FAF1: variants seen among roughly 807,000 people sequenced by gnomAD.
The protein encoded by FAF1 is FAS-associated factor 1.
A neutral mutation model predicts 92.5 loss-of-function variants in FAF1; 25 were observed. The observed-to-expected ratio is 0.27, with a 90% CI of 0.20 to 0.38. FAF1 has a LOEUF of 0.38. FAF1 is among the 10% of genes least tolerant of loss of function. The pLI, the probability that FAF1 is intolerant of heterozygous loss-of-function variation, is 1.00. For missense variants in FAF1, 636 were observed against 793.3 expected, an observed-to-expected ratio of 0.80 and a Z score of 2.38; for synonymous variants, 234 against 273.2, an observed-to-expected ratio of 0.86 and a Z score of 1.42.
chr1:50,781,490 T>TA (rs1661178132), intron 4 of FAF1, among the ~76,000 whole-genome samples: 2 of 152,044 alleles, frequency 1.3e-5, no homozygotes, highest in African/African-American at 4.8e-5. Flanking sequence ...AATACTGAAG[T>TA]ACCCAAATAT....
At chr1:50,453,355 C>CGCA (rs1646315828) in intron 18 of FAF1, among the ~76,000 whole-genome samples, 2 of 152,130 alleles carry the variant, frequency 1.3e-5, no homozygotes, top group South Asian at 4.1e-4. Flanking sequence ...TTGCTCTGCA[C>CGCA]GCAAACACCA....
intron 2 of FAF1, among the ~76,000 whole-genome samples, chr1:50,854,705 A>C (rs1178753685): frequency 2.0e-5 from 3 of 151,904 alleles, no homozygotes; most frequent in Non-Finnish European, 4.4e-5. Context: ...AGTGACTAAT[A>C]ATCAGAACTC....
intron 2 of FAF1, among the ~76,000 whole-genome samples, chr1:50,824,342 CA>C (rs1644072935): frequency 2.0e-5 from 3 of 152,082 alleles, no homozygotes. Flanking sequence ...TTTTTACTGC[CA>C]AAACCTATTT....
At chr1:50,714,241 G>A (rs1009794942) in intron 6 of FAF1, among the ~76,000 whole-genome samples, 3 of 148,966 alleles carry the variant, frequency 2.0e-5, no homozygotes, top group Non-Finnish European at 4.4e-5. Flanking sequence ...CGTGGCTCAC[G>A]CCTGTAATCC....
intron 4 of FAF1, among the ~76,000 whole-genome samples, chr1:50,746,272 ATATATATATATATATATATATTTTTT>A (rs1178440612): frequency 8.0e-4 from 15 of 18,676 alleles, no homozygotes; most frequent in African/African-American, 4.5e-4. Context: ...ATATATATAT[ATATATATATATATATATATATTTTTT>A]TTTTTTTTTT....
rs1323519729 is a variant in FAF1 at position 50,615,265 on chromosome 1, T to C, written c.745-19049A>G. ...TATTCCATGGTGTATATGTACCACA[T>C]TTTCTTTATCCAATCCACCACTGAT... On this transcript the variant is annotated intron_variant, in intron 8 of 18. Coordinates refer to ENST00000396153, the MANE Select transcript of FAF1 (RefSeq NM_007051.3). Among the ~76,000 whole-genome samples, 7 of 152,232 alleles carry C rather than the reference T, an allele frequency of 4.6e-5. No homozygotes were observed. In the South Asian group the frequency reaches 1.2e-3, roughly 27 times the overall value.
intron 6 of FAF1, among the ~76,000 whole-genome samples, chr1:50,731,069 C>T (rs988044034): frequency 1.3e-5 from 2 of 152,174 alleles, no homozygotes; most frequent in African/African-American, 4.8e-5. Context: ...AAAGGTCAGG[C>T]TCCTAGAGCC....
intron 18 of FAF1, among the ~76,000 whole-genome samples, chr1:50,442,987 G>A (rs1360974751): frequency 6.6e-6 from 1 of 152,168 alleles, no homozygotes; most frequent in East Asian, 1.9e-4. Flanking sequence ...AATGCACTGA[G>A]GGGCAAGCTG....
chr1:50,524,314 A>G (rs1342743136), intron 15 of FAF1, among the ~76,000 whole-genome samples: 1 of 152,016 alleles, frequency 6.6e-6, no homozygotes, highest in Non-Finnish European at 1.5e-5. Flanking sequence ...GTTTGCAAAA[A>G]TTTTCTCCCA....
intron 10 of FAF1, among the ~76,000 whole-genome samples, chr1:50,584,031 A>C (rs1651111206): frequency 6.6e-6 from 1 of 152,134 alleles, no homozygotes; most frequent in Non-Finnish European, 1.5e-5. Context: ...GTTTTCTTGA[A>C]ATAGACATCT....
In FAF1 at chr1:50,612,390, G is replaced by A. The variant is rs535140121; in HGVS notation, c.745-16174C>T. The A allele has an allele frequency of 7.7e-4, 935 of 1,209,568 alleles. 1 individual carries two copies. Among genetic ancestry groups the A allele is most frequent in the Non-Finnish European group, 8.8e-4 (843 of 954,326 alleles). The allele number at this position is 1,209,568 out of a possible 1,614,324, so 74.9% of individuals were successfully genotyped here. ...TAAATAAAGAGGTTCCGTTAGTGGA[G>A]AAACCTCATTATTTTAGAGAGCTAC... On this transcript the variant is annotated intron_variant, in intron 8 of 18. Coordinates refer to ENST00000396153, the MANE Select transcript of FAF1 (RefSeq NM_007051.3).
chr1:50,532,786 T>A lies in FAF1; in HGVS notation c.1494+2583A>T, dbSNP rs534401427. 2.2e-3 allele frequency among the ~76,000 whole-genome samples: 329 copies of A among 152,262 alleles called. 5 individuals carry two copies. The South Asian group carries it at 0.036, about 17-fold the overall frequency. Reference sequence around the variant, plus strand: ...TGTGGATATATTGGGTTTCATTTTTTAAAAATATTTTAAAATTTATCTTTT... The same window carrying A: ...TGTGGATATATTGGGTTTCATTTTTAAAAAATATTTTAAAATTTATCTTTT... On this transcript the variant is annotated intron_variant, in intron 15 of 18. Transcript: ENST00000396153.
chr1:50,617,208 G>A (rs1652954920), intron 8 of FAF1, among the ~76,000 whole-genome samples: 1 of 152,140 alleles, frequency 6.6e-6, no homozygotes, highest in African/African-American at 2.4e-5. Context: ...AGGCATCCTT[G>A]TATTGTTCCA....
intron 7 of FAF1, among the ~76,000 whole-genome samples, chr1:50,671,733 T>A (rs1655890824): frequency 7.3e-6 from 1 of 136,728 alleles, no homozygotes; most frequent in African/African-American, 2.6e-5. Flanking sequence ...AACATTTTAA[T>A]TTTTTTTTTT....
chr1:50,560,115 T>C (rs1302826557), intron 13 of FAF1, among the ~76,000 whole-genome samples: 2 of 152,086 alleles, frequency 1.3e-5, no homozygotes, highest in East Asian at 3.8e-4. Context: ...CCAGATCAAA[T>C]GGAAGTGTAG....
intron 6 of FAF1, among the ~76,000 whole-genome samples, chr1:50,707,528 G>A (rs1051920684): frequency 1.3e-5 from 2 of 151,612 alleles, no homozygotes; most frequent in Admixed American, 6.6e-5. Flanking sequence ...GTGAAACCTC[G>A]TCTCTATTAA....
intron 6 of FAF1, among the ~76,000 whole-genome samples, chr1:50,726,697 C>T (rs768457363): frequency 5.3e-5 from 8 of 151,884 alleles, no homozygotes; most frequent in Middle Eastern, 3.4e-3. Flanking sequence ...GGCGTGGTGG[C>T]GGGCACCTGT....
chr1:50,944,349 T>C (rs575182426), intron 1 of FAF1, among the ~76,000 whole-genome samples: 1 of 152,204 alleles, frequency 6.6e-6, no homozygotes, highest in Admixed American at 6.5e-5. Context: ...TGAGGAAGGC[T>C]TCAAGGGCGA....
chr1:50,693,015 T>C (rs941852381), intron 7 of FAF1, among the ~76,000 whole-genome samples: 3 of 152,236 alleles, frequency 2.0e-5, no homozygotes, highest in Non-Finnish European at 2.9e-5. Context: ...ATTCTTTAAA[T>C]TGTCATGTCA....
Sources: allele counts gnomAD v4.1 joint callset (sites outside exome capture counted in the v4.1 genomes callset), GRCh38; gene constraint gnomAD v4.1.1; transcripts MANE v1.5; gene names NCBI Gene and HGNC (gene_info 2026-07-23, HGNC 2026-07-21).